The following PDE1A variants were observed in gnomAD, a reference collection of about 807,000 sequenced individuals.
PDE1A encodes the protein dual specificity calcium/calmodulin-dependent 3',5'-cyclic nucleotide phosphodiesterase 1A.
In PDE1A, 35 loss-of-function variants were observed where a neutral mutation model predicts 61.7. That is an observed-to-expected ratio of 0.57 (90% CI 0.43 to 0.75). PDE1A has a LOEUF of 0.75. Among genes scored for constraint, PDE1A ranks in the 30% least tolerant of loss-of-function variants. PDE1A has a pLI of 0.00. For missense variants in PDE1A, 597 were observed against 630.6 expected (o/e 0.95, Z 0.57); for synonymous variants, 232 against 213.2 (o/e 1.09, Z -0.77).
rs1379554245 is a variant in PDE1A at position 182,230,876 on chromosome 2, A to G, written c.534+139T>C. On this transcript the variant is annotated intron_variant, in intron 5 of 13. Coordinates refer to ENST00000351439, the Ensembl canonical transcript of PDE1A. ...TGGAGAATGGTTCTATCATATAAAG[A>G]CCTCATCACCTTAATTCTGTGACCT... is the stretch of plus-strand genomic sequence containing the variant. 5 of 616,684 alleles carry G rather than the reference A, an allele frequency of 8.1e-6. No homozygotes were observed. The Admixed American group carries it at 1.4e-4, about 17-fold the overall frequency. The allele number at this position is 616,684 out of a possible 1,614,324, so 38.2% of individuals were successfully genotyped here.
At chr2:182,654,450 G>A in the PDE1A span, among the ~76,000 whole-genome samples, 2 of 152,134 alleles carry the variant, frequency 1.3e-5, no homozygotes, top group African/African-American at 4.8e-5. Context: ...CTCACTGTAA[G>A]ATATATTTAG....
At chr2:182,625,360 G>A in the PDE1A span, among the ~76,000 whole-genome samples, 1,099 of 152,316 alleles carry the variant, frequency 7.2e-3, 10 homozygotes, top group Middle Eastern at 0.017. Context: ...ATGTTCTGGT[G>A]CTTGGACTTG....
chr2:182,175,414 T>A (rs1692649500), intron 13 of PDE1A, among the ~76,000 whole-genome samples: 1 of 151,532 alleles, frequency 6.6e-6, no homozygotes, highest in Admixed American at 6.6e-5. Flanking sequence ...TGGTTTTGAT[T>A]TGCATTTCTC....
chr2:182,494,222 T>G (rs1688570484), intron 2 of PDE1A, among the ~76,000 whole-genome samples: 1 of 151,874 alleles, frequency 6.6e-6, no homozygotes, highest in Admixed American at 6.6e-5. Flanking sequence ...CATCTACATA[T>G]CCAAAAGCCT....
intron 1 of PDE1A, among the ~76,000 whole-genome samples, chr2:182,421,965 C>A (rs1490636950): frequency 6.6e-6 from 1 of 152,118 alleles, no homozygotes; most frequent in Non-Finnish European, 1.5e-5. Flanking sequence ...ATATGCCTGC[C>A]AAATACACAC....
the PDE1A span, among the ~76,000 whole-genome samples, chr2:182,534,767 A>G: frequency 6.6e-6 from 1 of 151,602 alleles, no homozygotes; most frequent in Non-Finnish European, 1.5e-5. Context: ...TGAATTTTTT[A>G]TGTTACACCT....
At chr2:182,612,321 A>G in the PDE1A span, among the ~76,000 whole-genome samples, 1 of 152,252 alleles carries the variant, frequency 6.6e-6, no homozygotes, top group Non-Finnish European at 1.5e-5. Flanking sequence ...GGATTGAAAT[A>G]ACTTTTCATA....
chr2:182,333,647 T>A (rs1312156235), intron 1 of PDE1A, among the ~76,000 whole-genome samples: 3 of 151,632 alleles, frequency 2.0e-5, no homozygotes, highest in African/African-American at 7.3e-5. Flanking sequence ...AAAATCAACA[T>A]CCTAACATCA....
At chr2:182,652,035 T>C in the PDE1A span, among the ~76,000 whole-genome samples, 3 of 152,340 alleles carry the variant, frequency 2.0e-5, no homozygotes, top group South Asian at 6.2e-4. Flanking sequence ...AATGTATCAA[T>C]TGTAAAAATT....
chr2:182,715,844 C>A, the PDE1A span, among the ~76,000 whole-genome samples: 1 of 152,212 alleles, frequency 6.6e-6, no homozygotes, highest in Non-Finnish European at 1.5e-5. Flanking sequence ...CTTCTCCTTT[C>A]TCCGCCAAAT....
At chr2:182,251,966 G>T (rs549179963) in intron 2 of PDE1A, among the ~76,000 whole-genome samples, 25 of 152,282 alleles carry the variant, frequency 1.6e-4, no homozygotes, top group South Asian at 1.5e-3. Flanking sequence ...AGTGTAAGGG[G>T]AGATAAGGAA....
intron 13 of PDE1A, among the ~76,000 whole-genome samples, chr2:182,147,362 C>G (rs1690550368): frequency 6.6e-6 from 1 of 152,146 alleles, no homozygotes; most frequent in Admixed American, 6.5e-5. Context: ...GGTTACATAA[C>G]TTTCTCAAGC....
chr2:182,612,798 T>G, the PDE1A span, among the ~76,000 whole-genome samples: 19 of 152,206 alleles, frequency 1.2e-4, no homozygotes, highest in Non-Finnish European at 1.5e-5. Flanking sequence ...AGATCGAAAT[T>G]AAATTGAACA....
In PDE1A at chr2:182,425,169, C is replaced by G. The variant is rs557293123; in HGVS notation, c.53+1409G>C. Among the ~76,000 whole-genome samples the G allele has an allele frequency of 5.3e-5, 8 of 152,262 alleles. No homozygotes were observed. In the South Asian group the frequency reaches 1.5e-3, roughly 28 times the overall value. On this transcript the variant is annotated intron_variant, in intron 1 of 13. Transcript: ENST00000351439. ...AGGGGTAATACAATAAAGATGATGG[C>G]TAGGTGGATCTGATTTTATCCAACA...
At chr2:182,701,326 C>T in the PDE1A span, among the ~76,000 whole-genome samples, 37 of 151,886 alleles carry the variant, frequency 2.4e-4, no homozygotes, top group Non-Finnish European at 4.7e-4. Context: ...TGAGCCACCG[C>T]GCCCGGCTGA....
At chr2:182,315,665 A>C (rs1380960962) in intron 1 of PDE1A, among the ~76,000 whole-genome samples, 4 of 152,148 alleles carry the variant, frequency 2.6e-5, no homozygotes, top group African/African-American at 9.7e-5. Context: ...TTAGAGAAAA[A>C]GATTACATAT....
upstream of PDE1A, chr2:182,427,067 T>A: frequency 1.0e-6 from 1 of 968,732 alleles, no homozygotes; most frequent in Non-Finnish European, 1.2e-6. Flanking sequence ...TAAAACAGAC[T>A]GTTCTGAGGC....
At chr2:182,432,532 A>G (rs77255187) in intron 2 of PDE1A, among the ~76,000 whole-genome samples, 7,307 of 152,112 alleles carry the variant, frequency 0.048, 209 homozygotes, top group Middle Eastern at 0.078. Flanking sequence ...TGTCTGTTGT[A>G]TTCCCTGTGC....
chr2:182,157,790 A>G (rs1691176299), intron 13 of PDE1A, among the ~76,000 whole-genome samples: 1 of 152,220 alleles, frequency 6.6e-6, no homozygotes, highest in Non-Finnish European at 1.5e-5. Context: ...ACAAATTTGT[A>G]AACTGAGTTG....
Sources: allele counts gnomAD v4.1 joint callset (sites outside exome capture counted in the v4.1 genomes callset), GRCh38; gene constraint gnomAD v4.1.1; transcripts MANE v1.5; gene names NCBI Gene and HGNC (gene_info 2026-07-23, HGNC 2026-07-21).